The following PEX26 variants were observed in gnomAD, a reference collection of about 807,000 sequenced individuals.
PEX26 encodes the protein peroxisomal biogenesis factor 26.
In PEX26, 18 loss-of-function variants were observed where a neutral mutation model predicts 31.4. That is an observed-to-expected ratio of 0.57 (90% CI 0.40 to 0.85). PEX26 has a LOEUF of 0.85. Among genes scored for constraint, PEX26 ranks in the 40% least tolerant of loss-of-function variants. PEX26 has a pLI of 0.00. For synonymous variants in PEX26, 176 were observed against 166.9 expected (o/e 1.05, Z -0.42); for missense variants, 377 against 383.9 (o/e 0.98, Z 0.15).
rs1249062558 is a variant in PEX26, at chr22:18,102,030, T to C, written c.*13955T>C. The stretch of plus-strand genomic sequence containing the variant: ...CAGTGTCTAACTTTCTTCTAGTCTT[T>C]GCAATTTCACAAGGAAAATCACTAA... On this transcript the variant is annotated 3_prime_UTR_variant, in exon 5 of 5. Transcript: ENST00000399744. The C allele has an allele frequency of 6.6e-6, 1 of 152,342 alleles. No individual in the cohort carries two copies. 9.4% of individuals were successfully genotyped at this position (152,342 alleles called of 1,614,324 possible).
At chr22:18,079,753 C>T in intron 1 of PEX26, 121 bp from the exon 2 acceptor site, 2 of 1,137,706 alleles carry the variant, frequency 1.8e-6, no homozygotes, top group Non-Finnish European at 1.3e-6. Context: ...TAAATACTAA[C>T]AGGGATGAGA....
chr22:18,078,037 C>G lies in PEX26; in HGVS notation c.-340C>G, dbSNP rs1926360168. ...GCGCAAAGATGTCCGCGCCCGCTGC[C>G]GGGAGGCGAGGTGAGTCTTTGATCG... On this transcript the variant is annotated 5_prime_UTR_variant, in exon 1 of 5. Transcript: ENST00000399744. The G allele has an allele frequency of 2.0e-6, 1 of 495,348 alleles. No homozygotes were observed. The highest frequency in any genetic ancestry group is 2.4e-5 in the Admixed American group (1 of 42,268). The allele number at this position is 495,348 out of a possible 1,614,324, so 30.7% of individuals were successfully genotyped here.
At position 18,087,751 on chromosome 22, in the gene PEX26, C is replaced by T. The variant is rs888012119; in HGVS notation, c.815-221C>T. On this transcript the variant is annotated intron_variant, in intron 4 of 4. Coordinates refer to ENST00000399744, the MANE Select transcript of PEX26 (RefSeq NM_001127649.3). The stretch of plus-strand genomic sequence containing the variant: ...GGTGGGGGAGGAGAACCTGCACCTG[C>T]AGGCTGAGGATCGCATGAGCCCCAG... Among the ~76,000 whole-genome samples, 6 of 152,156 alleles carry T rather than the reference C, an allele frequency of 3.9e-5. No individual in the cohort carries two copies. In the East Asian group the frequency reaches 1.2e-3, roughly 29 times the overall value.
rs361590 is a variant in PEX26 at position 18,094,219 on chromosome 22, C to CT, written c.*6154dup. ...GAAGAGTGTCATTTCAGAAAAAAGC[C>CT]TTTTTTTTTTGAGATGGAGTCTCGC... On this transcript the variant is annotated 3_prime_UTR_variant, in exon 5 of 5. Transcript: ENST00000399744. The CT allele has an allele frequency of 0.99, 147,691 of 149,392 alleles. 73,006 individuals are homozygous for CT. The highest frequency in any genetic ancestry group is 1 in the East Asian group (5,071 of 5,086). The allele number at this position is 149,392 out of a possible 1,614,324, so 9.3% of individuals were successfully genotyped here.
rs897801532 is a variant in PEX26 at position 18,092,728 on chromosome 22, T to C, written c.*4653T>C. On this transcript the variant is annotated 3_prime_UTR_variant, in exon 5 of 5. Coordinates refer to ENST00000399744, the MANE Select transcript of PEX26 (RefSeq NM_001127649.3). ...TTGGCATGGTGGCTCACACCTATAATCCCAGCACTTTGGGAGGCCAGAGTG... is the reference window on the plus strand; with the variant it reads ...TTGGCATGGTGGCTCACACCTATAACCCCAGCACTTTGGGAGGCCAGAGTG... 1 of 132,464 alleles carries C rather than the reference T, an allele frequency of 7.5e-6. No homozygotes were observed. The highest frequency in any genetic ancestry group is 2.8e-5 in the African/African-American group (1 of 35,890). The allele number at this position is 132,464 out of a possible 1,614,324, so 8.2% of individuals were successfully genotyped here. A position where few individuals can be genotyped will look rare whatever the true frequency, so the allele number is the denominator to read the frequency against.
chr22:18,098,640 G>GA lies in PEX26; in HGVS notation c.*10571dup, dbSNP rs1927364924. 3.9e-5 allele frequency: 4 copies of GA among 102,806 alleles called. No individual in the cohort carries two copies. In the South Asian group the frequency reaches 9.3e-4, roughly 24 times the overall value. The allele number at this position is 102,806 out of a possible 1,614,324, so 6.4% of individuals were successfully genotyped here. ...GAGTGAGATTCTGTCTCAAAAAAAA[G>GA]AAAAAAGAAAAAAAAATTACCTCCC... On this transcript the variant is annotated 3_prime_UTR_variant, in exon 5 of 5. Transcript: ENST00000399744.
In PEX26 at chr22:18,088,987, C is replaced by G. The variant is rs79240512; in HGVS notation, c.*912C>G. ...TGAAAACCAAGTGAGCCTTACAGCT[C>G]TTATCGCTGGGTAAAGTGATCTTGC... On this transcript the variant is annotated 3_prime_UTR_variant, in exon 5 of 5. Coordinates refer to ENST00000399744, the MANE Select transcript of PEX26 (RefSeq NM_001127649.3). This position sits in a 1 kb window ranked among gnomAD's most constrained non-coding sequence, Gnocchi z 4.1. 6.6e-6 allele frequency: 1 copy of G among 152,538 alleles called. No homozygotes were observed. Among genetic ancestry groups the G allele is most frequent in the African/African-American group, 2.4e-5 (1 of 41,588 alleles). The allele number at this position is 152,538 out of a possible 1,614,324, so 9.4% of individuals were successfully genotyped here. A position where few individuals can be genotyped will look rare whatever the true frequency, so the allele number is the denominator to read the frequency against.
Position 18,078,589 on chromosome 22 carries a change from A to G in PEX26, c.213A>G (p.Ala71=). 4 of 1,600,636 alleles carry G rather than the reference A, an allele frequency of 2.5e-6. No homozygotes were observed. Among genetic ancestry groups the G allele is most frequent in the Non-Finnish European group, 3.4e-6 (4 of 1,176,044 alleles). The part of the protein sequence containing the change: ...AWQSLANHAV[A]EEPAGTSLEV... ...AGAGTCTGGCCAACCACGCCGTGGC[A>G]GAGGAACCCGCGGGCACGTACGTGC... The change falls in exon 1 of 5, where the codon GCA becomes GCG. Residue 71 remains alanine (A), a synonymous_variant. Coordinates refer to ENST00000399744, the MANE Select transcript of PEX26 (RefSeq NM_001127649.3).
In PEX26 at chr22:18,087,960, T is replaced by C; in HGVS notation, c.815-12T>C. The C allele has an allele frequency of 1.3e-6, 2 of 1,583,738 alleles. No individual in the cohort carries two copies. Among genetic ancestry groups the C allele is most frequent in the South Asian group, 1.1e-5 (1 of 90,484 alleles). ...GGTGGGACGTTCACTGTAGTCTCCC[T>C]CTGCCCTGCAGCTTCCCCTTCCTCC... On this transcript the variant is annotated splice_polypyrimidine_tract_variant and intron_variant, in intron 4 of 4. Transcript: ENST00000399744.
In PEX26 at chr22:18,098,796, C is replaced by T. The variant is rs1314285744; in HGVS notation, c.*10721C>T. The T allele has an allele frequency of 6.6e-6, 1 of 150,702 alleles. No homozygotes were observed. The highest frequency in any genetic ancestry group is 1.5e-5 in the Non-Finnish European group (1 of 67,802). The allele number at this position is 150,702 out of a possible 1,614,324, so 9.3% of individuals were successfully genotyped here. Reference sequence around the variant, plus strand: ...TATATATAATATATATACACATATGCAATGGAGTAATGAAAATACTATATA... The same window carrying T: ...TATATATAATATATATACACATATGTAATGGAGTAATGAAAATACTATATA... On this transcript the variant is annotated 3_prime_UTR_variant, in exon 5 of 5. Coordinates refer to ENST00000399744, the MANE Select transcript of PEX26 (RefSeq NM_001127649.3).
At chr22:18,078,698 C>T in intron 1 of PEX26, 92 bp downstream of exon 1, 2 of 1,176,970 alleles carry the variant, frequency 1.7e-6, no homozygotes, top group Non-Finnish European at 2.4e-6. Context: ...AGATTGCCCA[C>T]AAGGAGCTTT....
In PEX26 at chr22:18,098,603, G is replaced by A. The variant is rs191100772; in HGVS notation, c.*10528G>A. On this transcript the variant is annotated 3_prime_UTR_variant, in exon 5 of 5. Coordinates refer to ENST00000399744, the MANE Select transcript of PEX26 (RefSeq NM_001127649.3). The stretch of plus-strand genomic sequence containing the variant: ...GCTGAGATCCTGCCACTGCACTCCA[G>A]TCTGGGCGACAGAGTGAGATTCTGT... 6.6e-6 allele frequency: 1 copy of A among 151,906 alleles called. No homozygotes were observed. Among genetic ancestry groups the A allele is most frequent in the Non-Finnish European group, 1.5e-5 (1 of 68,024 alleles). 9.4% of individuals were successfully genotyped at this position (151,906 alleles called of 1,614,324 possible).
rs1927384379 is a variant in PEX26 at position 18,099,297 on chromosome 22, A to G, written c.*11222A>G. On this transcript the variant is annotated 3_prime_UTR_variant, in exon 5 of 5. Coordinates refer to ENST00000399744, the MANE Select transcript of PEX26 (RefSeq NM_001127649.3). ...ATATTGCTGGAGTCAAAACCAAAAA[A>G]TCAAATTGACCAGGGCAAAAAATAG... 1.3e-5 allele frequency: 2 copies of G among 152,186 alleles called. No homozygotes were observed. The highest frequency in any genetic ancestry group is 4.1e-4 in the South Asian group (2 of 4,832). The allele number at this position is 152,186 out of a possible 1,614,324, so 9.4% of individuals were successfully genotyped here.
At position 18,103,785 on chromosome 22, in the gene PEX26, C is replaced by G. The variant is rs1927530173; in HGVS notation, c.*15710C>G. ...TTCTTGGCCCAGCCCGGTCAACACC[C>G]ACATGCACCACCACCAACTTTTTGC... On this transcript the variant is annotated 3_prime_UTR_variant, in exon 5 of 5. Coordinates refer to ENST00000399744, the MANE Select transcript of PEX26 (RefSeq NM_001127649.3). The G allele has an allele frequency of 6.6e-6, 1 of 152,530 alleles. No homozygotes were observed. Among genetic ancestry groups the G allele is most frequent in the Admixed American group, 6.6e-5 (1 of 15,266 alleles). 9.4% of individuals were successfully genotyped at this position (152,530 alleles called of 1,614,324 possible).
At chr22:18,081,270 AC>A (rs1926590389) in intron 2 of PEX26, among the ~76,000 whole-genome samples, 1 of 151,386 alleles carries the variant, frequency 6.6e-6, no homozygotes, top group African/African-American at 2.4e-5. Flanking sequence ...ACACACACAC[AC>A]ACACACACAT....
In PEX26 at chr22:18,092,455, A is replaced by C. The variant is rs1162030094; in HGVS notation, c.*4380A>C. 6.6e-6 allele frequency: 1 copy of C among 152,232 alleles called. No individual in the cohort carries two copies. The highest frequency in any genetic ancestry group is 1.5e-5 in the Non-Finnish European group (1 of 68,050). The allele number at this position is 152,232 out of a possible 1,614,324, so 9.4% of individuals were successfully genotyped here. On this transcript the variant is annotated 3_prime_UTR_variant, in exon 5 of 5. Coordinates refer to ENST00000399744, the MANE Select transcript of PEX26 (RefSeq NM_001127649.3). ...TCCTCCAGCGGTGGTGTACGGATCCAGACATTGTTTGCCACCTCTAGGCCT... is the reference window on the plus strand; with the variant it reads ...TCCTCCAGCGGTGGTGTACGGATCCCGACATTGTTTGCCACCTCTAGGCCT...
chr22:18,081,151 TTATATA>T (rs60289884), intron 2 of PEX26, among the ~76,000 whole-genome samples: 5,530 of 141,298 alleles, frequency 0.039, 133 homozygotes, highest in African/African-American at 0.053. Context: ...TAGTATTCCA[TTATATA>T]TATATATATA....
Position 18,093,178 on chromosome 22 carries a change from A to G in PEX26, c.*5103A>G, listed in dbSNP as rs1927171502. The G allele has an allele frequency of 1.3e-5, 2 of 152,194 alleles. No homozygotes were observed. Among genetic ancestry groups the G allele is most frequent in the African/African-American group, 4.8e-5 (2 of 41,436 alleles). The allele number at this position is 152,194 out of a possible 1,614,324, so 9.4% of individuals were successfully genotyped here. A position where few individuals can be genotyped will look rare whatever the true frequency, so the allele number is the denominator to read the frequency against. ...AAATTAAGTATCACAAAAGACCATCACACGATTCTACCAATGCATGTTGCA... is the reference window on the plus strand; with the variant it reads ...AAATTAAGTATCACAAAAGACCATCGCACGATTCTACCAATGCATGTTGCA... On this transcript the variant is annotated 3_prime_UTR_variant, in exon 5 of 5. Transcript: ENST00000399744.
At chr22:18,087,711 C>T (rs1323900381) in intron 4 of PEX26, among the ~76,000 whole-genome samples, 1 of 152,182 alleles carries the variant, frequency 6.6e-6, no homozygotes, top group Non-Finnish European at 1.5e-5. Flanking sequence ...AGGCCCGACT[C>T]ATTGGAGTGA....
Sources: gnomAD v4.1 joint callset for allele counts (sites outside exome capture counted in the v4.1 genomes callset) on GRCh38, gnomAD v4.1.1 for gene constraint, Gnocchi (gnomAD v3.1) non-coding constraint, MANE v1.5 for transcripts, NCBI Gene and HGNC (gene_info 2026-07-23, HGNC 2026-07-21) for gene names.